FBXO25: variants seen among roughly 807,000 people sequenced by gnomAD.
FBXO25 encodes the protein F-box protein 25.
In FBXO25, 45 loss-of-function variants were observed where a neutral mutation model predicts 51.9. The ratio of observed to expected loss-of-function variants is 0.87; its 90% CI spans 0.68 to 1.11. The LOEUF (loss-of-function observed/expected upper bound fraction) is 1.11. Ranked by LOEUF, FBXO25 falls within the 50% of genes most tolerant of loss-of-function variation. The pLI is 0.00. For synonymous variants in FBXO25, 199 were observed against 151.0 expected, an observed-to-expected ratio of 1.32 and a Z score of -2.33; for missense variants, 507 against 428.5, an observed-to-expected ratio of 1.18 and a Z score of -1.62.
At position 468,766 on chromosome 8, in the gene FBXO25, GTGT is replaced by G. The variant is rs1394033089; in HGVS notation, c.1040_1042del (p.Val347_Ser348delinsAla). 1.2e-6 allele frequency: 2 copies of G among 1,614,036 alleles called. No homozygotes were observed. Among genetic ancestry groups the G allele is most frequent in the African/African-American group, 2.7e-5 (2 of 75,014 alleles). On this transcript the variant is annotated inframe_deletion, in exon 10 of 10. Transcript: ENST00000350302. The stretch of plus-strand genomic sequence containing the variant: ...CGACCCTGACAGCTGCTTCACGCCT[GTGT>G]CTCCGCAGCACTTCATCGACCTCTT...
intron 2 of FBXO25, among the ~76,000 whole-genome samples, chr8:418,563 C>A (rs1001774036): frequency 5.8e-4 from 88 of 152,172 alleles, no homozygotes; most frequent in African/African-American, 2.0e-3. Flanking sequence ...TGGTCTTGAT[C>A]TCTTGACCTC....
rs924103556 is a variant in FBXO25, at chr8:473,773, C to T, written c.*4969C>T. The stretch of plus-strand genomic sequence containing the variant: ...TAAGGGAGAGCAAAAAAAATGAGGA[C>T]ATCTGTGTCAAATAGAAGAGACACC... On this transcript the variant is annotated 3_prime_UTR_variant, in exon 10 of 10. Coordinates refer to ENST00000350302, the MANE Select transcript of FBXO25 (RefSeq NM_183420.2). The T allele has an allele frequency of 6.6e-5, 10 of 152,060 alleles. No homozygotes were observed. Among genetic ancestry groups the T allele is most frequent in the African/African-American group, 2.4e-4 (10 of 41,378 alleles). The allele number at this position is 152,060 out of a possible 1,614,324, so 9.4% of individuals were successfully genotyped here. A position where few individuals can be genotyped will look rare whatever the true frequency, so the allele number is the denominator to read the frequency against.
chr8:450,058 C>T lies in FBXO25; in HGVS notation c.450C>T (p.Asn150=), dbSNP rs918022123. Residue 150 remains asparagine, a synonymous_variant, in exon 6 of 10, where the codon AAC becomes AAT. Transcript: ENST00000350302. ...GCGTGGCACAGAAGAATTACTTCAA[C>T]ATTTTGGATAAAATCGTTCAAAAGG... is the stretch of plus-strand genomic sequence containing the variant. The part of the protein sequence containing the change: ...LSGVAQKNYF[N]ILDKIVQKVL... The T allele has an allele frequency of 1.2e-6, 2 of 1,612,764 alleles. No individual in the cohort carries two copies. Among genetic ancestry groups the T allele is most frequent in the Admixed American group, 3.3e-5 (2 of 59,752 alleles).
At chr8:461,408 T>G (rs1311813892) in intron 8 of FBXO25, among the ~76,000 whole-genome samples, 1 of 152,156 alleles carries the variant, frequency 6.6e-6, no homozygotes, top group Non-Finnish European at 1.5e-5. Context: ...AGGAGCAAAG[T>G]CACATCCTAC....
chr8:440,291 G>A (rs1798347528), intron 5 of FBXO25, among the ~76,000 whole-genome samples: 1 of 152,212 alleles, frequency 6.6e-6, no homozygotes, highest in Admixed American at 6.5e-5. Flanking sequence ...GAAGCTCTTG[G>A]AACAGTCTGT....
At chr8:448,376 C>G (rs1397136346) in intron 5 of FBXO25, among the ~76,000 whole-genome samples, 1 of 152,234 alleles carries the variant, frequency 6.6e-6, no homozygotes, top group African/African-American at 2.4e-5. Flanking sequence ...AACATGTCGT[C>G]TCTTACTGAG....
Position 463,098 on chromosome 8 carries a change from A to G in FBXO25, c.935A>G (p.Gln312Arg). Residue 312 changes from glutamine (Q) to arginine (R), a missense_variant, in exon 9 of 10, where the codon CAG becomes CGG. Coordinates refer to ENST00000350302, the MANE Select transcript of FBXO25 (RefSeq NM_183420.2). ...CAGAAACATTACCCAGCGAAGGAGC[A>G]GTACGGAGACACACTGCATTTCTGT... ...ALQKHYPAKE[Q>R]YGDTLHFCRH... The G allele has an allele frequency of 6.2e-7, 1 of 1,614,052 alleles. No homozygotes were observed. The highest frequency in any genetic ancestry group is 2.2e-5 in the East Asian group (1 of 44,870).
At position 471,544 on chromosome 8, in the gene FBXO25, A is replaced by G. The variant is rs1050557339; in HGVS notation, c.*2740A>G. 1 of 152,164 alleles carries G rather than the reference A, an allele frequency of 6.6e-6. No homozygotes were observed. The highest frequency in any genetic ancestry group is 2.4e-5 in the African/African-American group (1 of 41,442). The allele number at this position is 152,164 out of a possible 1,614,324, so 9.4% of individuals were successfully genotyped here. ...CCCCAGGAGCCTAAAGCCAGGTAGT[A>G]AGTTTCACTTGCCCATCGCTCCTGT... On this transcript the variant is annotated 3_prime_UTR_variant, in exon 10 of 10. Coordinates refer to ENST00000350302, the MANE Select transcript of FBXO25 (RefSeq NM_183420.2).
intron 2 of FBXO25, among the ~76,000 whole-genome samples, chr8:416,389 C>G (rs1796804580): frequency 1.3e-5 from 2 of 152,252 alleles, no homozygotes; most frequent in Admixed American, 1.3e-4. Flanking sequence ...AAATTTTCAT[C>G]TTCATTGACT....
chr8:424,814 C>G (rs1251048771), intron 2 of FBXO25, among the ~76,000 whole-genome samples: 2 of 152,080 alleles, frequency 1.3e-5, no homozygotes, highest in East Asian at 3.9e-4. Context: ...TGGCTTTGTT[C>G]TTTTTGCTTA....
chr8:449,963 T>G, intron 5 of FBXO25, 27 bp from the exon 6 acceptor site: 1 of 1,491,712 alleles, frequency 6.7e-7, no homozygotes, highest in Non-Finnish European at 9.3e-7. Context: ...TATATATCGC[T>G]CAGCTTTTTT....
chr8:412,332 T>G (rs1796526781), intron 1 of FBXO25, among the ~76,000 whole-genome samples: 1 of 152,202 alleles, frequency 6.6e-6, no homozygotes, highest in Non-Finnish European at 1.5e-5. Context: ...CCAGACAGTC[T>G]TCAAGTACTG....
intron 4 of FBXO25, 44 bp from the exon 5 acceptor site, chr8:435,571 T>C: frequency 6.3e-7 from 1 of 1,586,470 alleles, no homozygotes; most frequent in Non-Finnish European, 8.5e-7. Context: ...TGCCAATTCT[T>C]TTTGGCTAAT....
At chr8:449,254 C>G (rs1340387167) in intron 5 of FBXO25, among the ~76,000 whole-genome samples, 1 of 152,108 alleles carries the variant, frequency 6.6e-6, no homozygotes, top group Non-Finnish European at 1.5e-5. Flanking sequence ...AAGCAGCAGC[C>G]CACTTTTTCC....
chr8:447,695 G>A (rs767039735), intron 5 of FBXO25, among the ~76,000 whole-genome samples: 3 of 152,158 alleles, frequency 2.0e-5, no homozygotes, highest in Non-Finnish European at 4.4e-5. Context: ...TGAAATTCAT[G>A]TATGTTTCAC....
At chr8:438,441 TAC>T (rs1195962995) in intron 5 of FBXO25, among the ~76,000 whole-genome samples, 1 of 152,228 alleles carries the variant, frequency 6.6e-6, no homozygotes, top group African/African-American at 2.4e-5. Flanking sequence ...CAATAATTAC[TAC>T]ACAGTCTTAG....
intron 2 of FBXO25, among the ~76,000 whole-genome samples, chr8:425,134 C>T (rs1797394104): frequency 6.6e-6 from 1 of 151,514 alleles, no homozygotes; most frequent in Non-Finnish European, 1.5e-5. Flanking sequence ...GCGCCCCCCG[C>T]CCCCCACATG....
At chr8:454,462 T>C (rs1271286277) in intron 7 of FBXO25, among the ~76,000 whole-genome samples, 1 of 152,204 alleles carries the variant, frequency 6.6e-6, no homozygotes, top group African/African-American at 2.4e-5. Flanking sequence ...GCGTAGCCTT[T>C]AGCATGGGGC....
At chr8:467,652 C>T in intron 9 of FBXO25, 1 of 1,523,550 alleles carries the variant, frequency 6.6e-7, no homozygotes, top group Non-Finnish European at 9.1e-7. Context: ...TCTTTCTAAT[C>T]TTAACTTTTC....
Sources: gnomAD v4.1 joint callset for allele counts (sites outside exome capture counted in the v4.1 genomes callset) on GRCh38, gnomAD v4.1.1 for gene constraint, MANE v1.5 for transcripts, NCBI Gene and HGNC (gene_info 2026-07-23, HGNC 2026-07-21) for gene names.